Variants in NOL4 observed in about 807,000 individuals in gnomAD.
NOL4 encodes cancer/testis antigen 125.
Under a neutral mutation model 75.9 loss-of-function variants are expected in NOL4, and 17 were observed. The ratio of observed to expected loss-of-function variants is 0.22; its 90% CI spans 0.15 to 0.34. The LOEUF is 0.34. Ranked by LOEUF, NOL4 falls within the 10% of genes least tolerant of loss-of-function variation. The pLI, the probability that NOL4 is intolerant of heterozygous loss-of-function variation, is 1.00. For synonymous variants in NOL4, 292 were observed against 289.9 expected (o/e 1.01, Z -0.07); for missense variants, 614 against 793.5 (o/e 0.77, Z 2.72).
intron 6 of NOL4, among the ~76,000 whole-genome samples, chr18:34,015,741 T>C (rs1022074623): frequency 1.3e-5 from 2 of 152,070 alleles, no homozygotes; most frequent in Admixed American, 6.6e-5. Flanking sequence ...CGAATGCCTA[T>C]TAAATATGTC....
At chr18:34,028,627 T>C (rs2075473532) in intron 5 of NOL4, among the ~76,000 whole-genome samples, 1 of 152,300 alleles carries the variant, frequency 6.6e-6, no homozygotes, top group African/African-American at 2.4e-5. Flanking sequence ...CTCTTGGAAT[T>C]TGAACTAACA....
At chr18:33,977,125 C>G (rs2071554719) in intron 6 of NOL4, among the ~76,000 whole-genome samples, 1 of 152,088 alleles carries the variant, frequency 6.6e-6, no homozygotes. Flanking sequence ...TATTCCAGAA[C>G]AGTACTTAGT....
rs539974646 is a variant in NOL4, at chr18:33,902,108, G to A, written c.1543-18684C>T. On this transcript the variant is annotated intron_variant, in intron 9 of 10. Transcript: ENST00000261592. ...AGATGGTTTTGAAAGTTGTAATAAGGTTTGTGAAAGAGAATTTATAAAAAC... is the reference window on the plus strand; with the variant it reads ...AGATGGTTTTGAAAGTTGTAATAAGATTTGTGAAAGAGAATTTATAAAAAC... Among the ~76,000 whole-genome samples the A allele has an allele frequency of 3.9e-5, 6 of 151,992 alleles. No homozygotes were observed. In the East Asian group the frequency reaches 1.2e-3, roughly 29 times the overall value.
intron 10 of NOL4, among the ~76,000 whole-genome samples, chr18:33,872,437 T>C (rs1260335333): frequency 6.6e-6 from 1 of 152,040 alleles, no homozygotes; most frequent in Non-Finnish European, 1.5e-5. Context: ...ATTAAGTTTC[T>C]ATAAGGTTGT....
chr18:34,036,919 G>A (rs2075929387), intron 5 of NOL4, among the ~76,000 whole-genome samples: 1 of 152,110 alleles, frequency 6.6e-6, no homozygotes, highest in African/African-American at 2.4e-5. Flanking sequence ...GCAATAGAGT[G>A]AGACTCCATC....
At chr18:33,856,010 C>T (rs2062822402) in intron 10 of NOL4, among the ~76,000 whole-genome samples, 1 of 151,976 alleles carries the variant, frequency 6.6e-6, no homozygotes, top group African/African-American at 2.4e-5. Flanking sequence ...CTTTGAAAGA[C>T]TATGGCATAC....
intron 9 of NOL4, among the ~76,000 whole-genome samples, chr18:33,924,666 G>A (rs1373567668): frequency 2.6e-5 from 4 of 152,180 alleles, no homozygotes; most frequent in South Asian, 4.1e-4. Flanking sequence ...CCTACAAAGT[G>A]ATATAAAATT....
At chr18:34,080,070 A>G (rs2077932463) in intron 5 of NOL4, among the ~76,000 whole-genome samples, 1 of 152,198 alleles carries the variant, frequency 6.6e-6, no homozygotes, top group Non-Finnish European at 1.5e-5. Flanking sequence ...TTTGTACCAC[A>G]ACAATTTAGA....
chr18:34,049,247 A>G (rs2076527460), intron 5 of NOL4, among the ~76,000 whole-genome samples: 1 of 151,874 alleles, frequency 6.6e-6, no homozygotes, highest in African/African-American at 2.4e-5. Flanking sequence ...AATAATCACA[A>G]TAACTGCTAA....
intron 10 of NOL4, among the ~76,000 whole-genome samples, chr18:33,880,809 C>T (rs1395602885): frequency 6.6e-6 from 1 of 151,510 alleles, no homozygotes; most frequent in Non-Finnish European, 1.5e-5. Flanking sequence ...TGCTATTTCT[C>T]TAGTTGAGTT....
intron 1 of NOL4, among the ~76,000 whole-genome samples, chr18:34,209,787 G>A (rs904683811): frequency 5.3e-5 from 8 of 152,122 alleles, no homozygotes; most frequent in Admixed American, 2.6e-4. Context: ...AGTTAGAAAC[G>A]CAAATAATTA....
chr18:33,988,184 G>A (rs949363871), intron 6 of NOL4, among the ~76,000 whole-genome samples: 1 of 152,054 alleles, frequency 6.6e-6, no homozygotes, highest in African/African-American at 2.4e-5. Flanking sequence ...ATAGGGCAAG[G>A]TGTAATTGAC....
At chr18:34,115,925 C>T (rs1043094628) in intron 2 of NOL4, among the ~76,000 whole-genome samples, 3 of 152,074 alleles carry the variant, frequency 2.0e-5, no homozygotes, top group Non-Finnish European at 4.4e-5. Context: ...GTACATTTTT[C>T]ATAACTTACC....
At chr18:33,984,867 T>A (rs2072306580) in intron 6 of NOL4, among the ~76,000 whole-genome samples, 3 of 152,220 alleles carry the variant, frequency 2.0e-5, no homozygotes, top group South Asian at 4.1e-4. Flanking sequence ...TCTACATTTT[T>A]TCGACTCTGG....
At chr18:34,084,911 GT>G (rs929455175) in intron 5 of NOL4, among the ~76,000 whole-genome samples, 1 of 152,188 alleles carries the variant, frequency 6.6e-6, no homozygotes, top group Non-Finnish European at 1.5e-5. Flanking sequence ...GGCTAAAGCT[GT>G]TTTTAAAAGA....
intron 5 of NOL4, among the ~76,000 whole-genome samples, chr18:34,035,906 T>C (rs868553129): frequency 1.3e-5 from 2 of 152,148 alleles, no homozygotes; most frequent in African/African-American, 4.8e-5. Flanking sequence ...GAAACATATA[T>C]CCTACTAAAA....
chr18:34,087,569 A>T (rs2078299017), intron 5 of NOL4, among the ~76,000 whole-genome samples: 1 of 152,114 alleles, frequency 6.6e-6, no homozygotes, highest in Non-Finnish European at 1.5e-5. Context: ...ATATGGTTTA[A>T]TCTAATATGC....
At chr18:34,004,338 G>A (rs2073910365) in intron 6 of NOL4, among the ~76,000 whole-genome samples, 1 of 152,008 alleles carries the variant, frequency 6.6e-6, no homozygotes, top group South Asian at 2.1e-4. Flanking sequence ...TGGGCCACTG[G>A]TCACTCATAT....
At chr18:33,853,129 A>G in intron 10 of NOL4, 94 bp from the exon 11 acceptor site, 4 of 1,049,636 alleles carry the variant, frequency 3.8e-6, no homozygotes, top group Non-Finnish European at 5.4e-6. Context: ...GAATGAATTA[A>G]TGAATTCTTC....
Sources: gnomAD v4.1 joint callset for allele counts (sites outside exome capture counted in the v4.1 genomes callset) on GRCh38, gnomAD v4.1.1 for gene constraint, MANE v1.5 for transcripts, NCBI Gene and HGNC (gene_info 2026-07-23, HGNC 2026-07-21) for gene names.